Variants in AKAP12 observed in about 807,000 individuals in gnomAD.
AKAP12 encodes A-kinase anchor protein 12.
AKAP12 carries 32 observed loss-of-function variants against 79.9 expected under a neutral mutation model. The ratio of observed to expected loss-of-function variants is 0.40; its 90% CI spans 0.30 to 0.54. AKAP12 has a LOEUF of 0.54. AKAP12 is among the 20% of genes least tolerant of loss of function. AKAP12 has a pLI of 0.48. For synonymous variants in AKAP12, 808 were observed against 857.0 expected, an observed-to-expected ratio of 0.94 and a Z score of 1.00; for missense variants, 2,074 against 2,177.0, an observed-to-expected ratio of 0.95 and a Z score of 0.94.
intron 2 of AKAP12, among the ~76,000 whole-genome samples, chr6:151,254,448 T>C (rs1321997151): frequency 6.6e-6 from 1 of 152,076 alleles, no homozygotes; most frequent in African/African-American, 2.4e-5. Context: ...GCCTCCCAGG[T>C]TCAAGAGATT....
chr6:151,275,530 C>T (rs1202952935), intron 2 of AKAP12, among the ~76,000 whole-genome samples: 3 of 152,178 alleles, frequency 2.0e-5, no homozygotes, highest in East Asian at 1.9e-4. Context: ...AGAAATTCCA[C>T]GATAGCAGAC....
intron 2 of AKAP12, among the ~76,000 whole-genome samples, chr6:151,265,081 G>A (rs1222063457): frequency 6.6e-6 from 1 of 151,842 alleles, no homozygotes; most frequent in Admixed American, 6.6e-5. Flanking sequence ...AACCCAGGAG[G>A]TGGAGGTTGC....
At chr6:151,304,854 G>A (rs1459631933) in intron 2 of AKAP12, among the ~76,000 whole-genome samples, 3 of 152,136 alleles carry the variant, frequency 2.0e-5, no homozygotes, top group Admixed American at 6.5e-5. Context: ...TTACAAACAT[G>A]AGCCACCACG....
chr6:151,329,796 T>C (rs1221170905), intron 3 of AKAP12, among the ~76,000 whole-genome samples: 2 of 152,216 alleles, frequency 1.3e-5, no homozygotes, highest in Non-Finnish European at 2.9e-5. Context: ...CATTATCATG[T>C]ATTCCTCACA....
chr6:151,270,730 G>A (rs1190409453), intron 2 of AKAP12, among the ~76,000 whole-genome samples: 1 of 152,094 alleles, frequency 6.6e-6, no homozygotes, highest in Non-Finnish European at 1.5e-5. Flanking sequence ...TAGTGAGTGT[G>A]AAGTGGCATC....
intron 3 of AKAP12, among the ~76,000 whole-genome samples, chr6:151,329,670 A>G (rs768874292): frequency 6.6e-6 from 1 of 152,220 alleles, no homozygotes; most frequent in Non-Finnish European, 1.5e-5. Context: ...CTATGGAGAC[A>G]GATTCCTTGT....
chr6:151,303,987 A>C (rs575100262), intron 2 of AKAP12, among the ~76,000 whole-genome samples: 2 of 152,312 alleles, frequency 1.3e-5, no homozygotes, highest in East Asian at 3.9e-4. Context: ...GGGGCAAGAC[A>C]ACCCCACCCC....
At chr6:151,261,488 C>T (rs1797432774) in intron 2 of AKAP12, among the ~76,000 whole-genome samples, 1 of 151,820 alleles carries the variant, frequency 6.6e-6, no homozygotes, top group Non-Finnish European at 1.5e-5. Flanking sequence ...GTCGGGAGTT[C>T]GAGACCACGC....
At chr6:151,340,573 G>A (rs531865181) in intron 3 of AKAP12, among the ~76,000 whole-genome samples, 196 of 151,940 alleles carry the variant, frequency 1.3e-3, no homozygotes, top group African/African-American at 4.5e-3. Context: ...CCACCTTCTA[G>A]CCCATAAGGC....
chr6:151,284,269 G>A (rs1447137492), intron 2 of AKAP12, among the ~76,000 whole-genome samples: 5 of 152,096 alleles, frequency 3.3e-5, no homozygotes, highest in Admixed American at 2.0e-4. Context: ...GAGTCATGTC[G>A]TTACCAGAAC....
intron 3 of AKAP12, among the ~76,000 whole-genome samples, chr6:151,307,794 G>GCTT (rs199663794): frequency 0.011 from 1,695 of 152,224 alleles, 30 homozygotes; most frequent in African/African-American, 0.039. Context: ...GGTGACCTAG[G>GCTT]CTTCTGACCA....
intron 3 of AKAP12, among the ~76,000 whole-genome samples, chr6:151,315,715 CTG>C (rs1442618297): frequency 6.6e-6 from 1 of 152,126 alleles, no homozygotes; most frequent in Non-Finnish European, 1.5e-5. Context: ...CATTCTCACA[CTG>C]TTATAAAGAA....
rs760437127 is a variant in AKAP12 at position 151,305,928 on chromosome 6, A to G, written c.319+25A>G. ...GGTAAGCCGCCCCTCCAGGAACTGG[A>G]AGGCACACAGCACTTGCAACAAACT... On this transcript the variant is annotated intron_variant, in intron 3 of 4. Coordinates refer to ENST00000402676, the MANE Select transcript of AKAP12 (RefSeq NM_005100.4). The G allele has an allele frequency of 8.8e-6, 14 of 1,583,908 alleles. No individual in the cohort carries two copies. In the Admixed American group the frequency reaches 2.6e-4, roughly 29 times the overall value.
At chr6:151,260,567 A>G (rs1463843471) in intron 2 of AKAP12, among the ~76,000 whole-genome samples, 1 of 152,252 alleles carries the variant, frequency 6.6e-6, no homozygotes, top group Non-Finnish European at 1.5e-5. Context: ...TAATAAGGCC[A>G]GCCCCTTGTT....
intron 3 of AKAP12, among the ~76,000 whole-genome samples, chr6:151,333,723 A>G (rs1777740202): frequency 6.9e-6 from 1 of 145,982 alleles, no homozygotes; most frequent in Non-Finnish European, 1.5e-5. Flanking sequence ...TGGGCAACAG[A>G]GCAAGACTGT....
intron 3 of AKAP12, among the ~76,000 whole-genome samples, chr6:151,312,994 C>T (rs1777152344): frequency 6.6e-6 from 1 of 152,128 alleles, no homozygotes; most frequent in Non-Finnish European, 1.5e-5. Flanking sequence ...TTGGAGTTCA[C>T]AGTATTACAT....
chr6:151,352,159 C>T lies in AKAP12; in HGVS notation c.3768C>T (p.Ser1256=), dbSNP rs1173608916. 28 of 1,613,978 alleles carry T rather than the reference C, an allele frequency of 1.7e-5. No individual in the cohort carries two copies. The highest frequency in any genetic ancestry group is 2.4e-5 in the Non-Finnish European group (28 of 1,180,028). The part of the protein sequence containing the change: ...TDKEVSVETV[S]ILSKTEGTQE... Reference sequence around the variant, plus strand: ...AAGAGGTGTCAGTGGAAACTGTATCCATTCTGTCAAAGACTGAGGGGACTC... The same window carrying T: ...AAGAGGTGTCAGTGGAAACTGTATCTATTCTGTCAAAGACTGAGGGGACTC... Residue 1256 remains serine, a synonymous_variant, in exon 4 of 5, where the codon TCC becomes TCT. Coordinates refer to ENST00000402676, the MANE Select transcript of AKAP12 (RefSeq NM_005100.4).
chr6:151,263,844 G>T (rs986574909), intron 2 of AKAP12, among the ~76,000 whole-genome samples: 3 of 152,186 alleles, frequency 2.0e-5, no homozygotes, highest in Admixed American at 6.5e-5. Context: ...CTCCCAAAGT[G>T]CTGGGATTAC....
chr6:151,311,455 G>T (rs1777096929), intron 3 of AKAP12, among the ~76,000 whole-genome samples: 1 of 152,204 alleles, frequency 6.6e-6, no homozygotes, highest in Admixed American at 6.5e-5. Flanking sequence ...TAACGGTATA[G>T]AGGCGGCTCC....
Sources: allele counts gnomAD v4.1 joint callset (sites outside exome capture counted in the v4.1 genomes callset), GRCh38; gene constraint gnomAD v4.1.1; transcripts MANE v1.5; gene names NCBI Gene and HGNC (gene_info 2026-07-23, HGNC 2026-07-21).